The following NKAIN3 variants were observed in gnomAD, a reference collection of about 807,000 sequenced individuals.
The protein encoded by NKAIN3 is sodium/potassium-transporting ATPase subunit beta-1-interacting protein 3.
Under a neutral mutation model 30.2 loss-of-function variants are expected in NKAIN3, and 25 were observed. That is an observed-to-expected ratio of 0.83 (90% CI 0.60 to 1.16). The LOEUF is 1.16. Among genes scored for constraint, NKAIN3 ranks in the 50% most tolerant of loss-of-function variants. The pLI, the probability that NKAIN3 is intolerant of heterozygous loss-of-function variation, is 0.00. For missense variants in NKAIN3, 225 were observed against 254.1 expected, an observed-to-expected ratio of 0.89 and a Z score of 0.78; for synonymous variants, 91 against 89.6, an observed-to-expected ratio of 1.02 and a Z score of -0.09.
Position 62,966,044 on chromosome 8 carries a change from T to C in NKAIN3, c.*637T>C, listed in dbSNP as rs1242362034. 6.1e-6 allele frequency: 6 copies of C among 983,962 alleles called. No individual in the cohort carries two copies. Among genetic ancestry groups the C allele is most frequent in the Non-Finnish European group, 7.2e-6 (6 of 828,662 alleles). The allele number at this position is 983,962 out of a possible 1,614,324, so 61.0% of individuals were successfully genotyped here. ...CATATCTTGTTTTTCCTGATATATA[T>C]ATATATGTAGGCACATGGAAGAGTA... On this transcript the variant is annotated 3_prime_UTR_variant, in exon 7 of 7. Coordinates refer to ENST00000623646, the MANE Select transcript of NKAIN3 (RefSeq NM_001304533.3).
At chr8:62,885,972 T>C (rs1821135078) in intron 4 of NKAIN3, among the ~76,000 whole-genome samples, 1 of 152,182 alleles carries the variant, frequency 6.6e-6, no homozygotes, top group Admixed American at 6.6e-5. Flanking sequence ...ACTTAGATCA[T>C]TGGCATTTAA....
At chr8:62,472,970 G>A (rs375730857) in intron 1 of NKAIN3, among the ~76,000 whole-genome samples, 1 of 152,240 alleles carries the variant, frequency 6.6e-6, no homozygotes, top group East Asian at 1.9e-4. Flanking sequence ...TGCTCTGCAA[G>A]GCTGTCTTGT....
chr8:62,776,676 T>A (rs190757852), intron 4 of NKAIN3, among the ~76,000 whole-genome samples: 1 of 152,284 alleles, frequency 6.6e-6, no homozygotes, highest in East Asian at 1.9e-4. Context: ...GAAAAGTTGT[T>A]GTACTTATTA....
chr8:62,742,691 A>G (rs542737794), intron 3 of NKAIN3, among the ~76,000 whole-genome samples: 11 of 152,220 alleles, frequency 7.2e-5, no homozygotes, highest in Non-Finnish European at 1.6e-4. Flanking sequence ...CCAAGAAGTA[A>G]AAGAGAAATG....
chr8:62,959,652 G>A (rs1209550290), intron 6 of NKAIN3, among the ~76,000 whole-genome samples: 4 of 152,132 alleles, frequency 2.6e-5, no homozygotes, highest in East Asian at 3.9e-4. Flanking sequence ...GATAGAGCAC[G>A]CACTGAGCTA....
intron 3 of NKAIN3, among the ~76,000 whole-genome samples, chr8:62,629,760 T>G (rs1184103310): frequency 6.6e-6 from 1 of 152,186 alleles, no homozygotes; most frequent in Non-Finnish European, 1.5e-5. Context: ...GGGTAACATA[T>G]GCTTTTTTAG....
At chr8:62,503,706 T>G (rs1203116832) in intron 1 of NKAIN3, among the ~76,000 whole-genome samples, 1 of 152,124 alleles carries the variant, frequency 6.6e-6, no homozygotes, top group African/African-American at 2.4e-5. Context: ...GTGATATCTC[T>G]TCTACTTGCA....
At chr8:62,628,872 T>G (rs148860985) in intron 3 of NKAIN3, among the ~76,000 whole-genome samples, 50 of 152,280 alleles carry the variant, frequency 3.3e-4, no homozygotes, top group African/African-American at 1.1e-3. Context: ...AAGACTGTCT[T>G]TTTTAAAATT....
At chr8:62,991,418 T>A (rs776252450) in intron 5 of NKAIN3, among the ~76,000 whole-genome samples, 1 of 152,230 alleles carries the variant, frequency 6.6e-6, no homozygotes, top group Non-Finnish European at 1.5e-5. Flanking sequence ...TTCCTCTGCT[T>A]GAGCAGAAAT....
At chr8:62,953,581 A>G (rs571576784) in intron 5 of NKAIN3, among the ~76,000 whole-genome samples, 2 of 152,334 alleles carry the variant, frequency 1.3e-5, no homozygotes, top group African/African-American at 2.4e-5. Flanking sequence ...TTTGATATAT[A>G]GGGAGAAAGG....
chr8:62,618,763 G>A (rs907977935), intron 3 of NKAIN3, among the ~76,000 whole-genome samples: 41 of 151,942 alleles, frequency 2.7e-4, no homozygotes, highest in East Asian at 7.8e-4. Flanking sequence ...AAAATTAGCC[G>A]GGCATGGTGG....
intron 3 of NKAIN3, among the ~76,000 whole-genome samples, chr8:62,634,088 T>C (rs1486805842): frequency 7.9e-5 from 12 of 152,074 alleles, no homozygotes; most frequent in Non-Finnish European, 1.3e-4. Context: ...ATAGAACATA[T>C]ATTTATGGTT....
At chr8:62,386,926 AGAG>A (rs1817442409) in intron 1 of NKAIN3, among the ~76,000 whole-genome samples, 2 of 151,950 alleles carry the variant, frequency 1.3e-5, no homozygotes, top group Non-Finnish European at 2.9e-5. Flanking sequence ...AGAGAGAGAG[AGAG>A]AGAGAGAGAG....
chr8:62,934,029 C>A (rs939801968), intron 5 of NKAIN3, among the ~76,000 whole-genome samples: 1 of 152,104 alleles, frequency 6.6e-6, no homozygotes, highest in Non-Finnish European at 1.5e-5. Flanking sequence ...AAAGAGAGCA[C>A]AATTTGTGTG....
intron 1 of NKAIN3, among the ~76,000 whole-genome samples, chr8:62,380,702 G>C (rs997737043): frequency 6.6e-6 from 1 of 152,188 alleles, no homozygotes; most frequent in African/African-American, 2.4e-5. Context: ...TTGCAAATTT[G>C]AGTAATTACT....
chr8:62,931,388 G>A (rs936972002), intron 5 of NKAIN3, among the ~76,000 whole-genome samples: 1 of 152,204 alleles, frequency 6.6e-6, no homozygotes, highest in Admixed American at 6.5e-5. Context: ...ATTATTTTAA[G>A]AACTAAAAAG....
intron 1 of NKAIN3, among the ~76,000 whole-genome samples, chr8:62,557,579 G>T (rs866445739): frequency 1.3e-5 from 2 of 152,026 alleles, no homozygotes; most frequent in Non-Finnish European, 2.9e-5. Context: ...ACTGGTTTTT[G>T]ATTTTTTGAT....
intron 1 of NKAIN3, among the ~76,000 whole-genome samples, chr8:62,306,713 AG>A (rs548954324): frequency 1.5e-4 from 23 of 150,208 alleles, no homozygotes; most frequent in Admixed American, 1.2e-3. Flanking sequence ...GTGGAATCAT[AG>A]GTTTGGCCAA....
At chr8:62,784,278 G>A (rs1444797280) in intron 4 of NKAIN3, among the ~76,000 whole-genome samples, 2 of 151,610 alleles carry the variant, frequency 1.3e-5, no homozygotes, top group South Asian at 2.1e-4. Flanking sequence ...ATAATAAAGA[G>A]TAAAGCAAAA....
Sources: allele counts gnomAD v4.1 joint callset (sites outside exome capture counted in the v4.1 genomes callset), GRCh38; gene constraint gnomAD v4.1.1; transcripts MANE v1.5; gene names NCBI Gene and HGNC (gene_info 2026-07-23, HGNC 2026-07-21).